Variants in HACE1 observed in about 807,000 individuals in gnomAD.
The protein encoded by HACE1 is HECT domain and ankyrin repeat containing E3 ubiquitin protein ligase 1, also known as E3 ubiquitin-protein ligase HACE1.
HACE1 carries 73 observed loss-of-function variants against 118.4 expected under a neutral mutation model. That is an observed-to-expected ratio of 0.62 (90% CI 0.51 to 0.75). The LOEUF is 0.75. Ranked by LOEUF, HACE1 falls within the 30% of genes least tolerant of loss-of-function variation. The pLI, the probability that HACE1 is intolerant of heterozygous loss-of-function variation, is 0.00. For missense variants in HACE1, 749 were observed against 1,102.2 expected (o/e 0.68, Z 4.54); for synonymous variants, 368 against 374.8 (o/e 0.98, Z 0.21).
chr6:104,767,597 T>A, intron 19 of HACE1, among the ~76,000 whole-genome samples: 1 of 152,168 alleles, frequency 6.6e-6, no homozygotes, highest in Non-Finnish European at 1.5e-5. Context: ...CTCCACAGAC[T>A]TCAGAATAAT....
At chr6:104,836,578 T>C (rs1774563371) in intron 5 of HACE1, among the ~76,000 whole-genome samples, 1 of 152,118 alleles carries the variant, frequency 6.6e-6, no homozygotes, top group South Asian at 2.1e-4. Flanking sequence ...CTGGGCATGG[T>C]GGCACACACC....
chr6:104,810,204 C>G (rs557119402), intron 7 of HACE1, among the ~76,000 whole-genome samples: 6 of 152,004 alleles, frequency 3.9e-5, no homozygotes, highest in Admixed American at 2.0e-4. Flanking sequence ...AGCCAAGCAA[C>G]CAAATCATAA....
intron 6 of HACE1, among the ~76,000 whole-genome samples, chr6:104,819,425 A>C (rs1417553894): frequency 2.0e-5 from 3 of 152,224 alleles, no homozygotes; most frequent in Non-Finnish European, 4.4e-5. Flanking sequence ...ATTCTCATGG[A>C]CAGGAAGAAT....
chr6:104,845,936 A>G (rs1775627443), intron 4 of HACE1: 1 of 152,250 alleles, frequency 6.6e-6, no homozygotes, highest in South Asian at 2.1e-4. Flanking sequence ...TCGTGTGTCT[A>G]TACCTATATG....
chr6:104,783,032 C>G (rs1329402113), intron 14 of HACE1, among the ~76,000 whole-genome samples: 2 of 152,194 alleles, frequency 1.3e-5, no homozygotes, highest in Non-Finnish European at 2.9e-5. Context: ...CAAGGCTCAT[C>G]ATTGGATGAC....
intron 7 of HACE1, among the ~76,000 whole-genome samples, chr6:104,798,554 T>C (rs1289045897): frequency 6.6e-6 from 1 of 152,188 alleles, no homozygotes; most frequent in Non-Finnish European, 1.5e-5. Flanking sequence ...TAATTTATTC[T>C]AGAAAAATCA....
intron 13 of HACE1, 113 bp from the exon 14 acceptor site, chr6:104,784,286 T>C: frequency 2.3e-6 from 2 of 868,190 alleles, no homozygotes; most frequent in South Asian, 1.4e-5. Context: ...ATAATCCATA[T>C]CTATTAAAGT....
intron 6 of HACE1, among the ~76,000 whole-genome samples, chr6:104,830,636 A>AT (rs1773760884): frequency 6.6e-6 from 1 of 152,186 alleles, no homozygotes; most frequent in Admixed American, 6.5e-5. Flanking sequence ...CCAACAAGAG[A>AT]TAAGACTCAG....
chr6:104,750,252 A>G, intron 20 of HACE1, 89 bp downstream of exon 20: 1 of 1,087,370 alleles, frequency 9.2e-7, no homozygotes, highest in Non-Finnish European at 1.4e-6. Flanking sequence ...TATTTCATTC[A>G]TCATAATACT....
chr6:104,769,736 C>T (rs1053358331), intron 19 of HACE1, among the ~76,000 whole-genome samples: 10 of 152,020 alleles, frequency 6.6e-5, no homozygotes, highest in African/African-American at 2.4e-4. Context: ...GCCATTAACT[C>T]TTTAGGATTA....
At chr6:104,755,965 A>G (rs998997067) in intron 19 of HACE1, among the ~76,000 whole-genome samples, 1 of 152,166 alleles carries the variant, frequency 6.6e-6, no homozygotes, top group African/African-American at 2.4e-5. Context: ...ACACAAAACA[A>G]CCCTTCAAAA....
chr6:104,811,878 C>G (rs1771663578), intron 6 of HACE1, among the ~76,000 whole-genome samples: 1 of 152,024 alleles, frequency 6.6e-6, no homozygotes, highest in South Asian at 2.1e-4. Flanking sequence ...AGAATAATAA[C>G]TTTCCCAAAG....
chr6:104,801,205 A>G (rs1488184157), intron 7 of HACE1, among the ~76,000 whole-genome samples: 1 of 152,212 alleles, frequency 6.6e-6, no homozygotes, highest in East Asian at 1.9e-4. Context: ...CCTCCAAGAA[A>G]TATGGGACTA....
In HACE1 at chr6:104,750,426, A is replaced by G; in HGVS notation, c.2258T>C (p.Ile753Thr). The change falls in exon 20 of 24, where the codon ATT becomes ACT. Residue 753 changes from isoleucine to threonine, a missense_variant. By Grantham distance (89) the Ile-to-Thr change is moderately conservative. This residue lies in a region of HACE1 where 165 missense variants were observed against 229.9 expected (regional missense o/e 0.72). Transcript: ENST00000262903. ...LVTELRMTRAIQPQINAFLQG... is the reference protein window; with the variant it reads ...LVTELRMTRATQPQINAFLQG... Reference sequence around the variant, plus strand: ...TAAAAAAGCATTGATCTGAGGCTGAATGGCTCTTGTCATTCGAAGTTCAGT... The same window carrying G: ...TAAAAAAGCATTGATCTGAGGCTGAGTGGCTCTTGTCATTCGAAGTTCAGT... 1 of 1,613,502 alleles carries G rather than the reference A, an allele frequency of 6.2e-7. No individual in the cohort carries two copies.
intron 19 of HACE1, among the ~76,000 whole-genome samples, chr6:104,764,955 A>C (rs1779814210): frequency 6.6e-6 from 1 of 152,198 alleles, no homozygotes. Flanking sequence ...TGGCAACAGC[A>C]TACACAACAT....
intron 6 of HACE1, among the ~76,000 whole-genome samples, chr6:104,830,111 T>C (rs1373283449): frequency 6.6e-6 from 1 of 152,144 alleles, no homozygotes; most frequent in Non-Finnish European, 1.5e-5. Context: ...GGGCAACAGG[T>C]AGGGTGTGCA....
intron 5 of HACE1, among the ~76,000 whole-genome samples, chr6:104,836,819 T>G (rs1391420019): frequency 6.6e-6 from 1 of 152,196 alleles, no homozygotes; most frequent in Non-Finnish European, 1.5e-5. Flanking sequence ...ATAAGTGAGT[T>G]CAGCAAGATT....
chr6:104,812,069 A>G (rs1771684188), intron 6 of HACE1, among the ~76,000 whole-genome samples: 2 of 152,126 alleles, frequency 1.3e-5, no homozygotes, highest in Admixed American at 1.3e-4. Flanking sequence ...TAAAATCTTA[A>G]AAATACATAT....
chr6:104,854,513 T>C (rs1582797860), intron 1 of HACE1, among the ~76,000 whole-genome samples: 1 of 152,134 alleles, frequency 6.6e-6, no homozygotes, highest in Non-Finnish European at 1.5e-5. Flanking sequence ...AAAATACTTA[T>C]TTTAAAAGGA....
Sources: allele counts gnomAD v4.1 joint callset (sites outside exome capture counted in the v4.1 genomes callset), GRCh38; gene constraint gnomAD v4.1.1; regional missense constraint gnomAD v4.1.1; transcripts MANE v1.5; gene names NCBI Gene and HGNC (gene_info 2026-07-23, HGNC 2026-07-21).